The following ATP8A2 variants were observed in gnomAD, a reference collection of about 807,000 sequenced individuals.
ATP8A2 encodes the protein ATPase phospholipid transporting 8A2.
Under a neutral mutation model 165.6 loss-of-function variants are expected in ATP8A2, and 100 were observed. That is an observed-to-expected ratio of 0.60 (90% CI 0.51 to 0.71). The LOEUF is 0.71. ATP8A2 is among the 30% of genes least tolerant of loss of function. The probability of loss-of-function intolerance (pLI) is 0.00; values close to 1 mark genes in which losing one functional copy is unlikely to be tolerated. For synonymous variants in ATP8A2, 543 were observed against 548.8 expected, an observed-to-expected ratio of 0.99 and a Z score of 0.15; for missense variants, 1,227 against 1,479.5, an observed-to-expected ratio of 0.83 and a Z score of 2.80.
chr13:26,009,336 G>GAGTA (rs1422919435), intron 35 of ATP8A2, among the ~76,000 whole-genome samples: 1 of 152,166 alleles, frequency 6.6e-6, no homozygotes, highest in Non-Finnish European at 1.5e-5. Context: ...GCCTTAGCCA[G>GAGTA]AGTAAGGCAG....
At chr13:25,994,852 G>A (rs887934714) in intron 35 of ATP8A2, among the ~76,000 whole-genome samples, 1 of 151,976 alleles carries the variant, frequency 6.6e-6, no homozygotes, top group African/African-American at 2.4e-5. Context: ...TAATGTCTTT[G>A]TATGGACTGG....
intron 2 of ATP8A2, among the ~76,000 whole-genome samples, chr13:25,480,448 T>C (rs1299829216): frequency 7.2e-6 from 1 of 139,638 alleles, no homozygotes; most frequent in Non-Finnish European, 1.5e-5. Context: ...ATGGGGCGGC[T>C]GGGCAGAGAC....
chr13:25,644,624 T>G (rs1405166339), intron 24 of ATP8A2, among the ~76,000 whole-genome samples: 1 of 152,034 alleles, frequency 6.6e-6, no homozygotes, highest in East Asian at 1.9e-4. Flanking sequence ...TCTAAAAAAT[T>G]CATGTCAGTT....
chr13:25,845,232 A>G (rs1369951432), intron 30 of ATP8A2, among the ~76,000 whole-genome samples: 1 of 152,216 alleles, frequency 6.6e-6, no homozygotes, highest in Non-Finnish European at 1.5e-5. Flanking sequence ...ACCCAAGTCC[A>G]TCAGGAGCCC....
At chr13:25,985,320 C>G (rs1956257013) in intron 35 of ATP8A2, among the ~76,000 whole-genome samples, 1 of 152,220 alleles carries the variant, frequency 6.6e-6, no homozygotes. Flanking sequence ...ATTAAATAGC[C>G]AAGTTCTTTC....
rs1566299785 is a variant in ATP8A2 at position 25,953,545 on chromosome 13, A to AAAAAAAAAAAAAAAAAAAAAAACAAC, written c.3184-8029_3184-8028insAAAAAAAAAAAAAAAAAAAAACAACA. On this transcript the variant is annotated intron_variant, in intron 33 of 36. Coordinates refer to ENST00000381655, the MANE Select transcript of ATP8A2 (RefSeq NM_016529.6). This position sits in a 1 kb window ranked among gnomAD's most constrained non-coding sequence, Gnocchi z 6.7. ...TTTAAAAAAAAAAAAAAAAAAAAAA[A>AAAAAAAAAAAAAAAAAAAAAAACAAC]AGCAAGGGAAATAGGCAAGACGGCC... Among the ~76,000 whole-genome samples, 1 of 122,766 alleles carries AAAAAAAAAAAAAAAAAAAAAAACAAC rather than the reference A, an allele frequency of 8.1e-6. No individual in the cohort carries two copies. Among genetic ancestry groups the AAAAAAAAAAAAAAAAAAAAAAACAAC allele is most frequent in the African/African-American group, 3.6e-5 (1 of 27,712 alleles). 80.5% of individuals were successfully genotyped at this position (122,766 alleles called of 152,430 possible).
At chr13:25,986,034 T>A (rs1956274861) in intron 35 of ATP8A2, among the ~76,000 whole-genome samples, 1 of 152,226 alleles carries the variant, frequency 6.6e-6, no homozygotes, top group Admixed American at 6.5e-5. Context: ...GAGGATTCAC[T>A]AACCCACTGA....
chr13:25,888,912 A>C (rs1953258376), intron 33 of ATP8A2, among the ~76,000 whole-genome samples: 1 of 152,140 alleles, frequency 6.6e-6, no homozygotes, highest in South Asian at 2.1e-4. Flanking sequence ...AGGAAATTTT[A>C]TTGAAATCAC....
At chr13:25,780,250 A>G (rs1449253675) in intron 27 of ATP8A2, among the ~76,000 whole-genome samples, 2 of 152,268 alleles carry the variant, frequency 1.3e-5, no homozygotes, top group East Asian at 1.9e-4. Flanking sequence ...GTCTGAAATC[A>G]TAATGGTGAT....
intron 24 of ATP8A2, among the ~76,000 whole-genome samples, chr13:25,616,431 A>T (rs1417560515): frequency 6.8e-6 from 1 of 148,018 alleles, no homozygotes; most frequent in African/African-American, 2.5e-5. Flanking sequence ...TCCTGGGTTC[A>T]AGTGATTCTC....
chr13:25,425,026 T>A (rs1431239771), intron 1 of ATP8A2, among the ~76,000 whole-genome samples: 2 of 152,210 alleles, frequency 1.3e-5, no homozygotes, highest in Admixed American at 1.3e-4. Context: ...TCCTGATAGA[T>A]CATGTGCATT....
intron 2 of ATP8A2, among the ~76,000 whole-genome samples, chr13:25,480,191 G>A (rs1311173037): frequency 2.4e-4 from 35 of 148,302 alleles, no homozygotes; most frequent in African/African-American, 8.4e-4. Flanking sequence ...CCTCCCTCCC[G>A]GACGGAGTGG....
intron 27 of ATP8A2, among the ~76,000 whole-genome samples, chr13:25,783,315 T>C (rs1476608165): frequency 2.6e-5 from 4 of 152,200 alleles, no homozygotes; most frequent in African/African-American, 9.7e-5. Flanking sequence ...AACTGTAATA[T>C]GTTGGTGGGA....
intron 2 of ATP8A2, among the ~76,000 whole-genome samples, chr13:25,519,781 G>C (rs2037602880): frequency 6.6e-6 from 1 of 152,142 alleles, no homozygotes; most frequent in Non-Finnish European, 1.5e-5. Context: ...GTCTTTAGGG[G>C]AGGGGTGGCT....
intron 33 of ATP8A2, among the ~76,000 whole-genome samples, chr13:25,907,460 C>G (rs979065968): frequency 5.9e-5 from 9 of 152,320 alleles, no homozygotes; most frequent in African/African-American, 1.9e-4. Context: ...AGCTTGGCCT[C>G]TGGTGAGTTT....
intron 2 of ATP8A2, among the ~76,000 whole-genome samples, chr13:25,478,591 G>A (rs141752097): frequency 0.013 from 1,968 of 152,200 alleles, 17 homozygotes; most frequent in Middle Eastern, 0.065. Flanking sequence ...GAAATCATAG[G>A]TTTTTAGCCT....
intron 24 of ATP8A2, among the ~76,000 whole-genome samples, chr13:25,595,603 TCCC>T (rs2040216172): frequency 6.6e-6 from 1 of 152,170 alleles, no homozygotes; most frequent in African/African-American, 2.4e-5. Context: ...TCAGAGTTGC[TCCC>T]CTCGATTGGG....
chr13:25,447,759 G>C (rs2035109845), intron 1 of ATP8A2, among the ~76,000 whole-genome samples: 1 of 152,176 alleles, frequency 6.6e-6, no homozygotes, highest in Non-Finnish European at 1.5e-5. Flanking sequence ...GGAAGAATCA[G>C]GTCACATGGA....
intron 1 of ATP8A2, among the ~76,000 whole-genome samples, chr13:25,388,239 A>C (rs2033124749): frequency 6.6e-6 from 1 of 152,118 alleles, no homozygotes. Flanking sequence ...AGTGAAAAGA[A>C]GAAAGCTGGC....
Sources: gnomAD v4.1 joint callset for allele counts (sites outside exome capture counted in the v4.1 genomes callset) on GRCh38, gnomAD v4.1.1 for gene constraint, Gnocchi (gnomAD v3.1) non-coding constraint, MANE v1.5 for transcripts, NCBI Gene and HGNC (gene_info 2026-07-23, HGNC 2026-07-21) for gene names.